GRID2: variants seen among roughly 807,000 people sequenced by gnomAD.
The protein encoded by GRID2 is glutamate receptor ionotropic, delta-2.
GRID2 carries 33 observed loss-of-function variants against 114.8 expected under a neutral mutation model. The ratio of observed to expected loss-of-function variants is 0.29; its 90% CI spans 0.22 to 0.38. The LOEUF is 0.38. Ranked by LOEUF, GRID2 falls within the 10% of genes least tolerant of loss-of-function variation. GRID2 has a pLI of 1.00. For synonymous variants in GRID2, 505 were observed against 449.9 expected, an observed-to-expected ratio of 1.12 and a Z score of -1.55; for missense variants, 1,184 against 1,257.7, an observed-to-expected ratio of 0.94 and a Z score of 0.89.
chr4:92,636,409 A>G (rs1028133309), intron 2 of GRID2, among the ~76,000 whole-genome samples: 6 of 152,098 alleles, frequency 3.9e-5, no homozygotes, highest in Non-Finnish European at 8.8e-5. Context: ...TATTTTATTG[A>G]GACCAACTGA....
chr4:92,578,710 A>C (rs905347552), intron 1 of GRID2, among the ~76,000 whole-genome samples: 1 of 151,474 alleles, frequency 6.6e-6, no homozygotes, highest in African/African-American at 2.4e-5. Context: ...AACAACAAAA[A>C]TATCATTATC....
chr4:92,540,340 A>G (rs1228937939), intron 1 of GRID2, among the ~76,000 whole-genome samples: 2 of 152,170 alleles, frequency 1.3e-5, no homozygotes, highest in Non-Finnish European at 2.9e-5. Flanking sequence ...AAAAGAAACT[A>G]CCATCAGAGT....
chr4:93,326,455 A>G (rs1757844864), intron 8 of GRID2, among the ~76,000 whole-genome samples: 1 of 152,170 alleles, frequency 6.6e-6, no homozygotes, highest in African/African-American at 2.4e-5. Flanking sequence ...GTATAAATTG[A>G]CACACAGGAC....
intron 14 of GRID2, among the ~76,000 whole-genome samples, chr4:93,710,035 G>C (rs1243473333): frequency 6.6e-6 from 1 of 152,104 alleles, no homozygotes. Flanking sequence ...TGTCTGAAAA[G>C]TCACAAAGCT....
At chr4:92,936,773 A>G (rs557393067) in intron 2 of GRID2, among the ~76,000 whole-genome samples, 2 of 146,422 alleles carry the variant, frequency 1.4e-5, no homozygotes, top group African/African-American at 4.9e-5. Context: ...AATTGTGAGG[A>G]TATAATATTT....
At chr4:93,102,134 T>C (rs1235445661) in intron 3 of GRID2, among the ~76,000 whole-genome samples, 1 of 152,194 alleles carries the variant, frequency 6.6e-6, no homozygotes, top group African/African-American at 2.4e-5. Context: ...TTGACTCATG[T>C]AGTTTGAAAG....
chr4:93,207,994 A>T (rs1418304036), intron 5 of GRID2, among the ~76,000 whole-genome samples: 1 of 152,000 alleles, frequency 6.6e-6, no homozygotes, highest in Non-Finnish European at 1.5e-5. Flanking sequence ...ACATAAGATT[A>T]AAAATATATT....
chr4:93,585,087 A>G (rs1737394687), intron 13 of GRID2, among the ~76,000 whole-genome samples: 1 of 152,100 alleles, frequency 6.6e-6, no homozygotes, highest in African/African-American at 2.4e-5. Flanking sequence ...TGAGCATCCC[A>G]AAAAACTGTT....
intron 4 of GRID2, among the ~76,000 whole-genome samples, chr4:93,155,504 G>T (rs1737094392): frequency 6.6e-6 from 1 of 151,892 alleles, no homozygotes; most frequent in African/African-American, 2.4e-5. Context: ...AAATTTTATT[G>T]TAATGAATTC....
At chr4:92,718,276 C>T (rs577953658) in intron 2 of GRID2, among the ~76,000 whole-genome samples, 23 of 152,058 alleles carry the variant, frequency 1.5e-4, no homozygotes, top group African/African-American at 5.1e-4. Context: ...GAGAAATGAC[C>T]TAAATATCCA....
In GRID2 at chr4:92,595,279, T is replaced by G. The variant is rs116338051; in HGVS notation, c.244+4993T>G. ...TTATAATTTAAAAACACAAGGTTTT[T>G]GAAAAAATGTCCAGTGCTTTTTGAA... On this transcript the variant is annotated intron_variant, in intron 2 of 15. Coordinates refer to ENST00000282020, the MANE Select transcript of GRID2 (RefSeq NM_001510.4). 5.1e-3 allele frequency among the ~76,000 whole-genome samples: 773 copies of G among 152,014 alleles called. 5 individuals are homozygous for G. The highest frequency in any genetic ancestry group is 0.018 in the African/African-American group (733 of 41,544).
At chr4:93,749,676 C>G (rs548360674) in intron 14 of GRID2, among the ~76,000 whole-genome samples, 1 of 152,168 alleles carries the variant, frequency 6.6e-6, no homozygotes. Context: ...AAATAGCCAC[C>G]TCCGCTATGA....
chr4:93,616,011 A>G (rs1741601335), intron 13 of GRID2, among the ~76,000 whole-genome samples: 1 of 152,190 alleles, frequency 6.6e-6, no homozygotes, highest in Admixed American at 6.5e-5. Context: ...TGGTTTTATG[A>G]TAGTCCAACA....
chr4:92,579,134 A>G (rs1056830353), intron 1 of GRID2, among the ~76,000 whole-genome samples: 1 of 152,138 alleles, frequency 6.6e-6, no homozygotes, highest in Non-Finnish European at 1.5e-5. Context: ...CCAGGAGGGC[A>G]TAAGAATTTA....
intron 2 of GRID2, among the ~76,000 whole-genome samples, chr4:92,917,342 T>C (rs1748893388): frequency 6.6e-6 from 1 of 152,226 alleles, no homozygotes; most frequent in Non-Finnish European, 1.5e-5. Flanking sequence ...TTTCTTTTGC[T>C]GTGCAGAAGC....
intron 2 of GRID2, among the ~76,000 whole-genome samples, chr4:92,982,094 A>T (rs1754258921): frequency 6.6e-6 from 1 of 150,808 alleles, no homozygotes; most frequent in Non-Finnish European, 1.5e-5. Context: ...CCTATATGTG[A>T]TAAGTAGGAG....
intron 1 of GRID2, among the ~76,000 whole-genome samples, chr4:92,418,638 G>A (rs143361112): frequency 3.6e-4 from 55 of 151,990 alleles, no homozygotes; most frequent in Admixed American, 2.3e-3. Flanking sequence ...AGATAGAGGC[G>A]GGAAAGATGT....
intron 1 of GRID2, among the ~76,000 whole-genome samples, chr4:92,449,693 A>C (rs1285685704): frequency 7.1e-6 from 1 of 141,680 alleles, no homozygotes; most frequent in South Asian, 2.2e-4. Context: ...ATATATATAT[A>C]TATATATATA....
Position 92,423,197 on chromosome 4 carries a change from C to T in GRID2, c.88+118453C>T, listed in dbSNP as rs147930888. Among the ~76,000 whole-genome samples, 8 of 152,196 alleles carry T rather than the reference C, an allele frequency of 5.3e-5. No homozygotes were observed. The East Asian group carries it at 1.4e-3, about 26-fold the overall frequency. ...TAGAAAGAAATATATCCTGAATCTA[C>T]CTTGTAGGTAGAGCTATATAGTAAG... On this transcript the variant is annotated intron_variant, in intron 1 of 15. Coordinates refer to ENST00000282020, the MANE Select transcript of GRID2 (RefSeq NM_001510.4).
Sources: allele counts gnomAD v4.1 joint callset (sites outside exome capture counted in the v4.1 genomes callset), GRCh38; gene constraint gnomAD v4.1.1; transcripts MANE v1.5; gene names NCBI Gene and HGNC (gene_info 2026-07-23, HGNC 2026-07-21).